Variants in SLC44A5 observed in about 807,000 individuals in gnomAD.
SLC44A5 encodes solute carrier family 44 member 5.
Under a neutral mutation model 101.8 loss-of-function variants are expected in SLC44A5, and 57 were observed. The ratio of observed to expected loss-of-function variants is 0.56; its 90% CI spans 0.45 to 0.70. The LOEUF (loss-of-function observed/expected upper bound fraction) is 0.70, where lower values mean the gene tolerates loss of function less well. Ranked by LOEUF, SLC44A5 falls within the 30% of genes least tolerant of loss-of-function variation. The probability of loss-of-function intolerance (pLI) is 0.00; values close to 1 mark genes in which losing one functional copy is unlikely to be tolerated. For synonymous variants in SLC44A5, 281 were observed against 290.9 expected (o/e 0.97, Z 0.35); for missense variants, 737 against 853.1 (o/e 0.86, Z 1.70).
At chr1:75,250,246 C>T (rs1471188687) in intron 7 of SLC44A5, among the ~76,000 whole-genome samples, 5 of 152,052 alleles carry the variant, frequency 3.3e-5, no homozygotes, top group African/African-American at 1.2e-4. Context: ...AGTGAGAACA[C>T]GTGGCATTTG....
At chr1:75,307,122 A>C (rs1360787149) in intron 4 of SLC44A5, among the ~76,000 whole-genome samples, 1 of 152,184 alleles carries the variant, frequency 6.6e-6, no homozygotes, top group Non-Finnish European at 1.5e-5. Flanking sequence ...GAGTGAGAAC[A>C]GAAGTCCTAA....
intron 1 of SLC44A5, among the ~76,000 whole-genome samples, chr1:75,589,057 C>A (rs390796): frequency 6.6e-6 from 1 of 151,950 alleles, no homozygotes; most frequent in East Asian, 1.9e-4. Context: ...TAGAAGTCAA[C>A]GTTAAGTTTG....
At chr1:75,709,834 T>G in the SLC44A5 span, among the ~76,000 whole-genome samples, 1 of 152,220 alleles carries the variant, frequency 6.6e-6, no homozygotes, top group Non-Finnish European at 1.5e-5. Context: ...ACACAAATGC[T>G]TATAGCAGCT....
At chr1:75,574,762 A>G (rs1673272225) in intron 1 of SLC44A5, among the ~76,000 whole-genome samples, 1 of 152,188 alleles carries the variant, frequency 6.6e-6, no homozygotes, top group Non-Finnish European at 1.5e-5. Flanking sequence ...TATTGTGGGA[A>G]TCTAAGTAAT....
intron 3 of SLC44A5, among the ~76,000 whole-genome samples, chr1:75,357,699 G>C (rs573322220): frequency 6.6e-6 from 1 of 152,064 alleles, no homozygotes; most frequent in Non-Finnish European, 1.5e-5. Flanking sequence ...GAAAACTTGG[G>C]ATAGAAAATC....
intron 1 of SLC44A5, among the ~76,000 whole-genome samples, chr1:75,599,616 TAGTC>T (rs1371458765): frequency 1.3e-5 from 2 of 152,256 alleles, no homozygotes; most frequent in South Asian, 2.1e-4. Context: ...TTGAAGGTGG[TAGTC>T]AGAGAAGATG....
the SLC44A5 span, among the ~76,000 whole-genome samples, chr1:75,677,026 G>C: frequency 2.0e-5 from 3 of 152,206 alleles, no homozygotes; most frequent in East Asian, 3.9e-4. Context: ...ACATGAAGGA[G>C]AATTAAGGAC....
intron 2 of SLC44A5, among the ~76,000 whole-genome samples, chr1:75,480,266 GCTAT>G (rs1484295279): frequency 6.6e-6 from 1 of 152,076 alleles, no homozygotes; most frequent in African/African-American, 2.4e-5. Flanking sequence ...AATAATAAGA[GCTAT>G]CTATGACAAA....
the SLC44A5 span, among the ~76,000 whole-genome samples, chr1:75,679,286 G>A: frequency 2.6e-5 from 4 of 152,278 alleles, no homozygotes; most frequent in Admixed American, 2.6e-4. Flanking sequence ...TCCTCGAGAA[G>A]AGCAACTCCA....
At chr1:75,444,449 A>C (rs1052322383) in intron 2 of SLC44A5, among the ~76,000 whole-genome samples, 6 of 139,430 alleles carry the variant, frequency 4.3e-5, no homozygotes, top group Non-Finnish European at 7.9e-5. Flanking sequence ...GAAAGAAAGA[A>C]AGAAAGAAAA....
intron 1 of SLC44A5, among the ~76,000 whole-genome samples, chr1:75,556,318 C>T (rs1387354341): frequency 6.6e-6 from 1 of 151,986 alleles, no homozygotes; most frequent in Non-Finnish European, 1.5e-5. Context: ...TATACCTCAA[C>T]AAAACTATCT....
rs1183061595 is a variant in SLC44A5, at chr1:75,494,634, C to A, written c.13+46801G>T. Among the ~76,000 whole-genome samples, 4 of 152,264 alleles carry A rather than the reference C, an allele frequency of 2.6e-5. No homozygotes were observed. The East Asian group carries it at 7.7e-4, about 29-fold the overall frequency. ...AGTATCCCAACTTTTCTGGTCGTTA[C>A]CTGAGAAGCTGGTCTCTAGCCACCT... On this transcript the variant is annotated intron_variant, in intron 2 of 23. Coordinates refer to ENST00000370859, the MANE Select transcript of SLC44A5 (RefSeq NM_001130058.2).
At chr1:75,478,552 G>A (rs1279054091) in intron 2 of SLC44A5, among the ~76,000 whole-genome samples, 1 of 152,002 alleles carries the variant, frequency 6.6e-6, no homozygotes, top group African/African-American at 2.4e-5. Context: ...AAAGGATGGA[G>A]GAAGATCTAC....
At chr1:75,206,682 T>C (rs780645782) in intron 23 of SLC44A5, 1 of 1,612,560 alleles carries the variant, frequency 6.2e-7, no homozygotes, top group South Asian at 1.1e-5. Context: ...CGAAGTAGGG[T>C]TTTTCTGTAG....
intron 2 of SLC44A5, among the ~76,000 whole-genome samples, chr1:75,403,159 G>T (rs1188100461): frequency 6.6e-6 from 1 of 152,178 alleles, no homozygotes; most frequent in African/African-American, 2.4e-5. Flanking sequence ...CCAACTCTCT[G>T]GGCAGGGCAT....
chr1:75,336,228 T>C (rs1157333694), intron 4 of SLC44A5, among the ~76,000 whole-genome samples: 2 of 152,112 alleles, frequency 1.3e-5, no homozygotes, highest in African/African-American at 4.8e-5. Flanking sequence ...TGATCTCAAC[T>C]CACTGCAACC....
chr1:75,469,524 G>A (rs1666991481), intron 2 of SLC44A5, among the ~76,000 whole-genome samples: 1 of 152,102 alleles, frequency 6.6e-6, no homozygotes, highest in Non-Finnish European at 1.5e-5. Flanking sequence ...TCTGAAACCA[G>A]TGTGTGTAGA....
At chr1:75,281,630 T>C (rs1276644764) in intron 5 of SLC44A5, among the ~76,000 whole-genome samples, 1 of 57,236 alleles carries the variant, frequency 1.7e-5, no homozygotes, top group African/African-American at 6.0e-5. Flanking sequence ...CCTGGGCTGG[T>C]GCCAGGCCCC....
At chr1:75,715,479 A>G in the SLC44A5 span, among the ~76,000 whole-genome samples, 3 of 152,202 alleles carry the variant, frequency 2.0e-5, no homozygotes, top group Non-Finnish European at 4.4e-5. Context: ...TAGAGAGCCC[A>G]GAAGTAAAGC....
Sources: allele counts gnomAD v4.1 joint callset (sites outside exome capture counted in the v4.1 genomes callset), GRCh38; gene constraint gnomAD v4.1.1; transcripts MANE v1.5; gene names NCBI Gene and HGNC (gene_info 2026-07-23, HGNC 2026-07-21).